Variants in TBC1D22A observed in about 807,000 individuals in gnomAD.
TBC1D22A encodes the protein putative GTPase activator.
In TBC1D22A, 38 loss-of-function variants were observed where a neutral mutation model predicts 60.2. The observed-to-expected ratio is 0.63, with a 90% CI of 0.49 to 0.83. The LOEUF is 0.83. Ranked by LOEUF, TBC1D22A falls within the 40% of genes least tolerant of loss-of-function variation. TBC1D22A has a pLI of 0.00. For missense variants in TBC1D22A, 628 were observed against 701.0 expected (o/e 0.90, Z 1.18); for synonymous variants, 302 against 281.7 (o/e 1.07, Z -0.72).
intron 10 of TBC1D22A, among the ~76,000 whole-genome samples, chr22:47,021,944 T>C (rs1205204632): frequency 6.6e-6 from 1 of 152,210 alleles, no homozygotes; most frequent in Non-Finnish European, 1.5e-5. Flanking sequence ...TGTGGCAGTG[T>C]AGACAGGGCT....
chr22:46,974,748 C>T lies in TBC1D22A; in HGVS notation c.1125+349C>T, dbSNP rs187375131. 2.6e-4 allele frequency among the ~76,000 whole-genome samples: 39 copies of T among 152,320 alleles called. 1 individual carries two copies. The East Asian group carries it at 6.7e-3, about 26-fold the overall frequency. ...GGCTAGCTGTGCTAAGAGGGATCCT[C>T]CTTAAAGGGCCTCAGATCGGGGGCC... On this transcript the variant is annotated intron_variant, in intron 9 of 12. Coordinates refer to ENST00000337137, the MANE Select transcript of TBC1D22A (RefSeq NM_014346.5).
chr22:46,934,766 C>T (rs2071550042), intron 8 of TBC1D22A, among the ~76,000 whole-genome samples: 1 of 151,388 alleles, frequency 6.6e-6, no homozygotes, highest in East Asian at 1.9e-4. Context: ...CCCCGCTCAG[C>T]GTTGCCTCGA....
At chr22:47,154,834 C>T (rs1452068599) in intron 12 of TBC1D22A, among the ~76,000 whole-genome samples, 2 of 152,246 alleles carry the variant, frequency 1.3e-5, no homozygotes, top group Non-Finnish European at 2.9e-5. Flanking sequence ...CAGAAGCAGC[C>T]TGGCAGACCT....
At position 47,037,144 on chromosome 22, in the gene TBC1D22A, G is replaced by T. The variant is rs891522702; in HGVS notation, c.1275G>T (p.Leu425=). The part of the protein sequence containing the change: ...LQFAFRWMNN[L]LMREVPLRCT... ...TTGCCTTCCGCTGGATGAACAACCT[G>T]CTGATGAGGGAGGTGCCCCTGCGTT... The change falls in exon 11 of 13, where the codon CTG becomes CTT. Residue 425 remains leucine (L), a synonymous_variant. Coordinates refer to ENST00000337137, the MANE Select transcript of TBC1D22A (RefSeq NM_014346.5). 5 of 1,613,862 alleles carry T rather than the reference G, an allele frequency of 3.1e-6. No individual in the cohort carries two copies. In the African/African-American group the frequency reaches 6.7e-5, roughly 22 times the overall value.
At chr22:46,939,348 G>A (rs1008853330) in intron 8 of TBC1D22A, among the ~76,000 whole-genome samples, 4 of 152,228 alleles carry the variant, frequency 2.6e-5, no homozygotes, top group Non-Finnish European at 5.9e-5. Flanking sequence ...CGAGTGAATA[G>A]TATTCTAAGG....
chr22:46,808,665 G>T (rs979753602), intron 4 of TBC1D22A, among the ~76,000 whole-genome samples: 3 of 152,106 alleles, frequency 2.0e-5, no homozygotes, highest in African/African-American at 7.2e-5. Flanking sequence ...CGCGATGTTG[G>T]CTTACTGCAA....
At chr22:46,943,845 G>A (rs9616170) in intron 8 of TBC1D22A, among the ~76,000 whole-genome samples, 16,016 of 152,142 alleles carry the variant, frequency 0.11, 975 homozygotes, top group African/African-American at 0.16. Context: ...TTCATTGACC[G>A]TAATGTTTTT....
chr22:47,034,479 T>C (rs131956), intron 10 of TBC1D22A, among the ~76,000 whole-genome samples: 1 of 114,130 alleles, frequency 8.8e-6, no homozygotes, highest in Non-Finnish European at 1.9e-5. Context: ...GTGGTGATGA[T>C]GAAGAGGAGG....
At position 47,028,285 on chromosome 22, in the gene TBC1D22A, A is replaced by C. The variant is rs1161496331; in HGVS notation, c.1202-8786A>C. Among the ~76,000 whole-genome samples the C allele has an allele frequency of 6.6e-6, 1 of 151,952 alleles. No homozygotes were observed. Among genetic ancestry groups the C allele is most frequent in the Non-Finnish European group, 1.5e-5 (1 of 68,008 alleles). ...GCCAGGAGGATTTATTTCATTCTGC[A>C]CTCATGTTTACTGAGATTCTGAGAG... On this transcript the variant is annotated intron_variant, in intron 10 of 12. Transcript: ENST00000337137. This position sits in a 1 kb window ranked among gnomAD's most constrained non-coding sequence, Gnocchi z 4.4.
At chr22:46,773,092 A>T (rs1017147455) in intron 1 of TBC1D22A, among the ~76,000 whole-genome samples, 2 of 152,222 alleles carry the variant, frequency 1.3e-5, no homozygotes, top group African/African-American at 4.8e-5. Flanking sequence ...CTGTGGCCTG[A>T]GAGTGACACC....
At chr22:47,080,279 T>C (rs1569426013) in intron 11 of TBC1D22A, among the ~76,000 whole-genome samples, 1 of 152,250 alleles carries the variant, frequency 6.6e-6, no homozygotes, top group Non-Finnish European at 1.5e-5. Context: ...CTTGATCTCA[T>C]TGACATTTAT....
chr22:46,792,685 G>T, intron 2 of TBC1D22A, 109 bp downstream of exon 2: 1 of 1,605,512 alleles, frequency 6.2e-7, no homozygotes. Context: ...TCAGGGAGGA[G>T]ACTGGTTTCT....
At chr22:46,893,276 C>CTT (rs2068497722) in intron 6 of TBC1D22A, among the ~76,000 whole-genome samples, 1 of 152,204 alleles carries the variant, frequency 6.6e-6, no homozygotes, top group South Asian at 2.1e-4. Context: ...TCTGGTCTGT[C>CTT]TTTTCCTCCC....
At chr22:46,841,071 T>TGTGTGTG (rs1555909317) in intron 4 of TBC1D22A, among the ~76,000 whole-genome samples, 2 of 150,878 alleles carry the variant, frequency 1.3e-5, no homozygotes, top group Admixed American at 6.6e-5. Flanking sequence ...TGTGTGTGTG[T>TGTGTGTG]GTGAGAGAGA....
intron 4 of TBC1D22A, among the ~76,000 whole-genome samples, chr22:46,817,258 T>A (rs891232504): frequency 8.0e-6 from 1 of 124,492 alleles, no homozygotes; most frequent in African/African-American, 3.2e-5. Flanking sequence ...TACTAGGTTG[T>A]CCTTTTTTTT....
chr22:47,016,196 C>T (rs2061907047), intron 10 of TBC1D22A, among the ~76,000 whole-genome samples: 1 of 152,166 alleles, frequency 6.6e-6, no homozygotes, highest in South Asian at 2.1e-4. Context: ...TGAGTGCACC[C>T]CCTTTGTTTC....
At chr22:46,994,126 T>C (rs879518724) in intron 9 of TBC1D22A, among the ~76,000 whole-genome samples, 2 of 152,260 alleles carry the variant, frequency 1.3e-5, no homozygotes, top group African/African-American at 4.8e-5. Flanking sequence ...TTCTTTTTTT[T>C]TAATTGTTTG....
chr22:47,048,608 C>A (rs1355520893), intron 11 of TBC1D22A, among the ~76,000 whole-genome samples: 3 of 152,218 alleles, frequency 2.0e-5, no homozygotes, highest in African/African-American at 4.8e-5. Context: ...CTTACAGTTC[C>A]CTGAGGCCAG....
intron 4 of TBC1D22A, among the ~76,000 whole-genome samples, chr22:46,845,367 T>G (rs541503962): frequency 5.3e-5 from 8 of 152,340 alleles, no homozygotes; most frequent in East Asian, 3.9e-4. Flanking sequence ...AAGGGCAGTA[T>G]TTGGTTGGAA....
Sources: gnomAD v4.1 joint callset for allele counts (sites outside exome capture counted in the v4.1 genomes callset) on GRCh38, gnomAD v4.1.1 for gene constraint, Gnocchi (gnomAD v3.1) non-coding constraint, MANE v1.5 for transcripts, NCBI Gene and HGNC (gene_info 2026-07-23, HGNC 2026-07-21) for gene names.